IQSEC2: variants seen among roughly 807,000 people sequenced by gnomAD.
IQSEC2 encodes IQ motif and SEC7 domain-containing protein 2.
A neutral mutation model predicts 74.6 loss-of-function variants in IQSEC2; 6 were observed. The ratio of observed to expected loss-of-function variants is 0.08; its 90% CI spans 0.04 to 0.16. The LOEUF is 0.16. Ranked by LOEUF, IQSEC2 falls within the 10% of genes least tolerant of loss-of-function variation. IQSEC2 has a pLI of 1.00. For missense variants in IQSEC2, 734 were observed against 1,306.2 expected, an observed-to-expected ratio of 0.56 and a Z score of 6.75; for synonymous variants, 494 against 544.5, an observed-to-expected ratio of 0.91 and a Z score of 1.29.
chrX:53,286,681 C>G (rs782617268), intron 2 of IQSEC2, among the ~76,000 whole-genome samples: 93 of 111,341 alleles, frequency 8.4e-4, no homozygotes, highest in African/African-American at 2.9e-3. Context: ...GTGGCTCACA[C>G]CTATAATCCC....
At position 53,315,404 on chromosome X, in the gene IQSEC2, C is replaced by T. The variant is rs139794227; in HGVS notation, c.707+5013G>A. On this transcript the variant is annotated intron_variant, in intron 1 of 14. Transcript: ENST00000642864. Reference sequence around the variant, plus strand: ...GAAACTCATAAAACAAACAAACAAACGAACACACCCATCTGACAGGGGCTC... The same window carrying T: ...GAAACTCATAAAACAAACAAACAAATGAACACACCCATCTGACAGGGGCTC... Among the ~76,000 whole-genome samples the T allele has an allele frequency of 1.2e-4, 13 of 111,437 alleles. No individual in the cohort carries two copies. In the East Asian group the frequency reaches 2.5e-3, roughly 22 times the overall value.
chrX:53,280,656 G>GC (rs2074941277), intron 2 of IQSEC2, among the ~76,000 whole-genome samples: 1 of 110,336 alleles, frequency 9.1e-6, no homozygotes, highest in Non-Finnish European at 1.9e-5. Context: ...CTGATGCTGT[G>GC]CCCCCACCAC....
chrX:53,228,235 G>A (rs2146987956), downstream of IQSEC2, among the ~76,000 whole-genome samples: 1 of 112,180 alleles, frequency 8.9e-6, no homozygotes, highest in Admixed American at 9.4e-5. Flanking sequence ...TCAGGGAAGT[G>A]TAAACTTACT....
intron 2 of IQSEC2, among the ~76,000 whole-genome samples, chrX:53,286,966 A>G (rs1277523813): frequency 3.7e-5 from 4 of 108,518 alleles, no homozygotes. Flanking sequence ...AAGAAAAAGA[A>G]AAAGAAAGAA....
At chrX:53,237,598 T>C (rs922831357) in intron 12 of IQSEC2, 4 of 131,356 alleles carry the variant, frequency 3.0e-5, no homozygotes, top group African/African-American at 1.3e-4. Context: ...GTGTGGCCCC[T>C]GGGGGCTGAG....
intron 1 of IQSEC2, among the ~76,000 whole-genome samples, chrX:53,295,351 T>C (rs111264809): frequency 0.034 from 3,748 of 111,115 alleles, 71 homozygotes; most frequent in Middle Eastern, 0.074. Flanking sequence ...ACGCCTGTAA[T>C]CCCAGCACTT....
chrX:53,320,060 G>A (rs1448394439), intron 1 of IQSEC2, among the ~76,000 whole-genome samples: 1 of 110,781 alleles, frequency 9.0e-6, no homozygotes, highest in Non-Finnish European at 1.9e-5. Flanking sequence ...CACCCTCGCC[G>A]ACCATAAAAA....
In IQSEC2 at chrX:53,320,910, G is replaced by A. The variant is rs782434593; in HGVS notation, c.214C>T (p.Leu72=). The A allele has an allele frequency of 1.2e-4, 145 of 1,161,664 alleles. No individual in the cohort carries two copies. The highest frequency in any genetic ancestry group is 1.7e-4 in the Non-Finnish European group (145 of 871,664). Residue 72 remains leucine, a synonymous_variant, in exon 1 of 15, where the codon CTG becomes TTG. Transcript: ENST00000642864. ...CGCGCGCCGTGGGGGTCCCGGTGCA[G>A]CTCCCCGCGGTGCAGCTGGCTCTCC... The part of the protein sequence containing the change: ...REESQLHRGE[L]HRDPHGARDS...
chrX:53,238,636 C>T (rs1556860263), intron 11 of IQSEC2, among the ~76,000 whole-genome samples: 6 of 109,367 alleles, frequency 5.5e-5, no homozygotes, highest in African/African-American at 2.0e-4. Context: ...CCTTGGCCTC[C>T]CAAAGTGCTG....
chrX:53,236,031 G>A (rs1016147674), intron 13 of IQSEC2, among the ~76,000 whole-genome samples, 199 bp from the exon 14 acceptor site: 2 of 111,230 alleles, frequency 1.8e-5, no homozygotes, highest in African/African-American at 3.3e-5. Context: ...GGAGAAGGAG[G>A]AGTGGAGGTA....
At chrX:53,298,650 G>A (rs2075179739) in intron 1 of IQSEC2, among the ~76,000 whole-genome samples, 2 of 111,236 alleles carry the variant, frequency 1.8e-5, no homozygotes, top group South Asian at 3.8e-4. Context: ...AAATGTTCTT[G>A]TATTATGTCT....
intron 1 of IQSEC2, among the ~76,000 whole-genome samples, chrX:53,307,283 C>CTT (rs1292490830): frequency 3.9e-5 from 3 of 76,662 alleles, no homozygotes; most frequent in African/African-American, 8.3e-5. Flanking sequence ...TTTTCTTTTT[C>CTT]TTTCTTTCTT....
chrX:53,307,622 G>C (rs949937841), intron 1 of IQSEC2, among the ~76,000 whole-genome samples: 32 of 109,475 alleles, frequency 2.9e-4, no homozygotes, highest in Non-Finnish European at 4.0e-4. Flanking sequence ...CATAAGGAGA[G>C]GGCCAGGTAT....
intron 1 of IQSEC2, among the ~76,000 whole-genome samples, chrX:53,307,388 C>T (rs1335784634): frequency 2.0e-5 from 2 of 100,793 alleles, no homozygotes; most frequent in East Asian, 6.3e-4. Flanking sequence ...GCGATCCTCC[C>T]GCCTCAGCCT....
At position 53,250,544 on chromosome X, in the gene IQSEC2, C is replaced by T; in HGVS notation, c.2032G>A (p.Gly678Ser). Residue 678 changes from glycine to serine, a missense_variant, in exon 5 of 15, where the codon GGT becomes AGT. By Grantham distance (56) the Gly-to-Ser change is moderately conservative. Around this residue, in one of 12 missense-constraint regions of IQSEC2, gnomAD observed 204 missense variants for 305.4 expected, o/e 0.67. Transcript: ENST00000642864. ...GCCTCGCACTTCCCCAACCTCCGAC[C>T]CCCAGCCACACCACTGGGCCCAGTG... The part of the protein sequence containing the change: ...SGTGPSGVAG[G>S]RRLGKCEAAG... The T allele has an allele frequency of 8.3e-7, 1 of 1,211,944 alleles. No individual in the cohort carries two copies. Among genetic ancestry groups the T allele is most frequent in the Non-Finnish European group, 1.1e-6 (1 of 895,605 alleles).
intron 2 of IQSEC2, among the ~76,000 whole-genome samples, chrX:53,270,335 C>T (rs1220809006): frequency 9.0e-6 from 1 of 111,044 alleles, no homozygotes. Flanking sequence ...TCTTCTACTC[C>T]TCTCACTCCT....
Position 53,233,595 on chromosome X carries a change from C to T in IQSEC2, c.*624G>A, listed in dbSNP as rs1556858750. On this transcript the variant is annotated 3_prime_UTR_variant, in exon 15 of 15. Transcript: ENST00000642864. ...ACTGGAGAAAGGGCATAGACTGGCTCGAGAGAGGAAGCACTGCCCCACGTG... is the reference window on the plus strand; with the variant it reads ...ACTGGAGAAAGGGCATAGACTGGCTTGAGAGAGGAAGCACTGCCCCACGTG... The T allele has an allele frequency of 2.8e-5, 6 of 213,676 alleles. No individual in the cohort carries two copies. In the East Asian group the frequency reaches 3.9e-4, roughly 14 times the overall value. 17.6% of individuals were successfully genotyped at this position (213,676 alleles called of 1,213,427 possible). A position where few individuals can be genotyped will look rare whatever the true frequency, so the allele number is the denominator to read the frequency against.
At chrX:53,265,897 G>A (rs1184071180) in intron 2 of IQSEC2, among the ~76,000 whole-genome samples, 1 of 112,672 alleles carries the variant, frequency 8.9e-6, no homozygotes, top group Non-Finnish European at 1.9e-5. Context: ...GTAGAATTAT[G>A]CAATCTTAAA....
At chrX:53,247,523 G>A (rs1362020142) in intron 7 of IQSEC2, among the ~76,000 whole-genome samples, 2 of 111,886 alleles carry the variant, frequency 1.8e-5, no homozygotes, top group African/African-American at 6.5e-5. Flanking sequence ...TTCCCCCATT[G>A]TGGGAAACAA....
Sources: gnomAD v4.1 joint callset for allele counts (sites outside exome capture counted in the v4.1 genomes callset) on GRCh38, gnomAD v4.1.1 for gene constraint, gnomAD v4.1.1 regional missense constraint, MANE v1.5 for transcripts, NCBI Gene and HGNC (gene_info 2026-07-23, HGNC 2026-07-21) for gene names.